The following KDM4B variants were observed in gnomAD, a reference collection of about 807,000 sequenced individuals.
KDM4B encodes the protein lysine demethylase 4B.
In KDM4B, 32 loss-of-function variants were observed where a neutral mutation model predicts 125.2. The observed-to-expected ratio is 0.26, with a 90% CI of 0.19 to 0.34. The LOEUF is 0.34. Among genes scored for constraint, KDM4B ranks in the 10% least tolerant of loss-of-function variants. KDM4B has a pLI of 1.00. For missense variants in KDM4B, 1,190 were observed against 1,577.7 expected (o/e 0.75, Z 4.16); for synonymous variants, 721 against 677.9 (o/e 1.06, Z -0.99).
chr19:5,047,626 C>T lies in KDM4B; in HGVS notation c.583C>T (p.Leu195=), dbSNP rs760822436. Residue 195 remains leucine (L), a synonymous_variant, in exon 6 of 23, where the codon CTG becomes TTG. Transcript: ENST00000159111. ...TFAWHTEDMD[L]YSINYLHFGE... ...CGCCTGGCACACCGAGGACATGGACCTGTACAGCATCAACTACCTGCACTT... is the reference window on the plus strand; with the variant it reads ...CGCCTGGCACACCGAGGACATGGACTTGTACAGCATCAACTACCTGCACTT... 3.7e-6 allele frequency: 6 copies of T among 1,613,896 alleles called. No individual in the cohort carries two copies. Among genetic ancestry groups the T allele is most frequent in the African/African-American group, 2.7e-5 (2 of 74,930 alleles).
chr19:5,119,563 C>G, intron 10 of KDM4B, 90 bp from the exon 11 acceptor site: 1 of 1,274,670 alleles, frequency 7.8e-7, no homozygotes. Flanking sequence ...TGGGGGTGGG[C>G]GGGGGCTGCG....
At chr19:5,016,015 C>T (rs2035882234) in intron 1 of KDM4B, among the ~76,000 whole-genome samples, 2 of 152,214 alleles carry the variant, frequency 1.3e-5, no homozygotes, top group Admixed American at 1.3e-4. Flanking sequence ...ACGGATACTC[C>T]CGCTGCCTTG....
At chr19:5,144,641 C>T (rs1202389164) in intron 20 of KDM4B, 142 bp from the exon 21 acceptor site, 2 of 1,249,840 alleles carry the variant, frequency 1.6e-6, no homozygotes, top group Non-Finnish European at 2.2e-6. Flanking sequence ...TCTGCACCGC[C>T]CCGCTACCCC....
rs1056230031 is a variant in KDM4B, at chr19:5,070,995, T to C, written c.627-15T>C. The stretch of plus-strand genomic sequence containing the variant: ...CCACCGATCTTGCCTCTGACGTGCC[T>C]CCCTTCTCTCGCAGGTACGCCATCC... On this transcript the variant is annotated splice_polypyrimidine_tract_variant and intron_variant, in intron 6 of 22. Transcript: ENST00000159111. The C allele has an allele frequency of 1.9e-6, 3 of 1,613,340 alleles. No individual in the cohort carries two copies. The highest frequency in any genetic ancestry group is 3.3e-5 in the Admixed American group (2 of 59,994).
chr19:5,100,317 C>T (rs895969338), intron 9 of KDM4B, among the ~76,000 whole-genome samples: 3 of 152,220 alleles, frequency 2.0e-5, no homozygotes, highest in Admixed American at 1.3e-4. Context: ...GTTTCTATTT[C>T]AAACTCCCAT....
intron 11 of KDM4B, among the ~76,000 whole-genome samples, chr19:5,130,228 C>T (rs1049713616): frequency 3.3e-5 from 5 of 152,200 alleles, no homozygotes; most frequent in African/African-American, 9.7e-5. Flanking sequence ...ACAGAGTCCC[C>T]TCTGCCAGAG....
chr19:5,029,775 C>G (rs182693009), intron 2 of KDM4B, among the ~76,000 whole-genome samples: 1 of 152,212 alleles, frequency 6.6e-6, no homozygotes, highest in Non-Finnish European at 1.5e-5. Context: ...TGCAGTGAAC[C>G]GTGACCGTGC....
intron 5 of KDM4B, among the ~76,000 whole-genome samples, chr19:5,043,533 C>T (rs1351660615): frequency 4.4e-5 from 6 of 137,462 alleles, no homozygotes; most frequent in Admixed American, 7.4e-5. Flanking sequence ...CCATATCCTA[C>T]GTGGTGTTTA....
chr19:4,972,840 G>C (rs1206623102), intron 1 of KDM4B, among the ~76,000 whole-genome samples: 1 of 152,204 alleles, frequency 6.6e-6, no homozygotes, highest in Non-Finnish European at 1.5e-5. Flanking sequence ...CAGGGTGGCA[G>C]CTTCCACCTG....
chr19:5,132,474 T>C (rs1260282600), intron 13 of KDM4B, among the ~76,000 whole-genome samples: 1 of 152,204 alleles, frequency 6.6e-6, no homozygotes, highest in Admixed American at 6.5e-5. Flanking sequence ...CGGCCTTTCA[T>C]TGGGGATGCA....
At chr19:5,046,051 A>C (rs1299765403) in intron 5 of KDM4B, among the ~76,000 whole-genome samples, 1 of 152,082 alleles carries the variant, frequency 6.6e-6, no homozygotes, top group East Asian at 1.9e-4. Flanking sequence ...ATCCTGCCTG[A>C]TTGTTTTCAA....
chr19:5,127,556 C>T (rs1204441817), intron 11 of KDM4B, among the ~76,000 whole-genome samples: 1 of 152,196 alleles, frequency 6.6e-6, no homozygotes, highest in Non-Finnish European at 1.5e-5. Flanking sequence ...TCACTGCTGT[C>T]TCCAGACAGG....
chr19:5,147,881 C>T (rs1471380078), intron 21 of KDM4B, among the ~76,000 whole-genome samples: 2 of 152,148 alleles, frequency 1.3e-5, no homozygotes, highest in South Asian at 2.1e-4. Flanking sequence ...GGCGGCAGGA[C>T]CTCGATCACA....
chr19:5,086,320 A>G (rs963567000), intron 9 of KDM4B, among the ~76,000 whole-genome samples: 4 of 150,564 alleles, frequency 2.7e-5, no homozygotes, highest in African/African-American at 9.8e-5. Context: ...TTGGCAAGCT[A>G]GGGCTCGGAT....
At chr19:5,040,172 T>G (rs930791456) in intron 4 of KDM4B, among the ~76,000 whole-genome samples, 161 bp downstream of exon 4, 6 of 151,962 alleles carry the variant, frequency 3.9e-5, no homozygotes, top group Non-Finnish European at 8.8e-5. Context: ...GCTCCCAGGG[T>G]GGATCTGGAC....
chr19:5,032,445 C>T (rs1473026827), intron 2 of KDM4B, among the ~76,000 whole-genome samples: 1 of 152,236 alleles, frequency 6.6e-6, no homozygotes, highest in East Asian at 1.9e-4. Context: ...GACCCTCACC[C>T]ATGGCCGCCC....
intron 9 of KDM4B, among the ~76,000 whole-genome samples, chr19:5,084,349 G>GTAATTTATATATTGTATA (rs1255865315): frequency 4.9e-5 from 7 of 141,568 alleles, no homozygotes; most frequent in South Asian, 4.3e-4. Context: ...TATATTGTAT[G>GTAATTTATATATTGTATA]TAATTTATAT....
At chr19:5,024,457 G>T (rs914093095) in intron 2 of KDM4B, among the ~76,000 whole-genome samples, 1 of 152,130 alleles carries the variant, frequency 6.6e-6, no homozygotes, top group African/African-American at 2.4e-5. Context: ...GGAGCGTGCG[G>T]CCCTGCTCAG....
At position 5,131,303 on chromosome 19, in the gene KDM4B, A is replaced by G. The variant is rs2039540615; in HGVS notation, c.1543A>G (p.Ser515Gly). 3 of 1,612,036 alleles carry G rather than the reference A, an allele frequency of 1.9e-6. No individual in the cohort carries two copies. The highest frequency in any genetic ancestry group is 1.1e-5 in the South Asian group (1 of 91,050). ...TAATGTCGTGCCCCCTGAGGTGCCC[A>G]GTGAGGAGCTAGAGGCCAAGCCTCG... ...PLNVVPPEVP[S>G]EELEAKPRPI... The change falls in exon 12 of 23, where the codon AGT becomes GGT. Residue 515 changes from serine to glycine, a missense_variant. By Grantham distance (56) the Ser-to-Gly change is moderately conservative (BLOSUM62 0). Coordinates refer to ENST00000159111, the MANE Select transcript of KDM4B (RefSeq NM_015015.3).
Sources: gnomAD v4.1 joint callset for allele counts (sites outside exome capture counted in the v4.1 genomes callset) on GRCh38, gnomAD v4.1.1 for gene constraint, MANE v1.5 for transcripts, NCBI Gene and HGNC (gene_info 2026-07-23, HGNC 2026-07-21) for gene names.